PTPRR: variants seen among roughly 807,000 people sequenced by gnomAD.
PTPRR encodes receptor-type tyrosine-protein phosphatase R.
PTPRR carries 38 observed loss-of-function variants against 77.2 expected under a neutral mutation model. The observed-to-expected ratio is 0.49, with a 90% CI of 0.38 to 0.65. The LOEUF is 0.65. Among genes scored for constraint, PTPRR ranks in the 30% least tolerant of loss-of-function variants. PTPRR has a pLI of 0.00. For missense variants in PTPRR, 744 were observed against 799.2 expected, an observed-to-expected ratio of 0.93 and a Z score of 0.83; for synonymous variants, 299 against 283.1, an observed-to-expected ratio of 1.06 and a Z score of -0.57.
intron 2 of PTPRR, among the ~76,000 whole-genome samples, chr12:70,777,690 T>G (rs1250944347): frequency 6.6e-6 from 1 of 152,216 alleles, no homozygotes; most frequent in East Asian, 1.9e-4. Context: ...CCACCCTCTC[T>G]TTCTTCCTTC....
intron 2 of PTPRR, among the ~76,000 whole-genome samples, chr12:70,889,992 T>C (rs780005684): frequency 7.9e-5 from 12 of 152,344 alleles, no homozygotes; most frequent in Non-Finnish European, 1.6e-4. Flanking sequence ...TATGCTGAAC[T>C]GAAATGGCCT....
chr12:70,770,557 T>C (rs1359315216), intron 2 of PTPRR, among the ~76,000 whole-genome samples: 6 of 152,218 alleles, frequency 3.9e-5, no homozygotes, highest in Non-Finnish European at 8.8e-5. Flanking sequence ...TTTATACTGT[T>C]GGTGGGACTG....
chr12:70,911,851 G>A (rs1343011623), intron 1 of PTPRR, among the ~76,000 whole-genome samples: 1 of 151,168 alleles, frequency 6.6e-6, no homozygotes, highest in East Asian at 1.9e-4. Context: ...ATTCCTCCAA[G>A]GTACAATTAA....
At chr12:70,755,798 AAAC>A (rs1475377818) in intron 4 of PTPRR, among the ~76,000 whole-genome samples, 3 of 152,162 alleles carry the variant, frequency 2.0e-5, no homozygotes, top group Non-Finnish European at 4.4e-5. Flanking sequence ...CCCTGCTGCA[AAAC>A]AACTTTGGGT....
chr12:70,717,901 T>C (rs1461056890), intron 6 of PTPRR, among the ~76,000 whole-genome samples: 4 of 152,214 alleles, frequency 2.6e-5, no homozygotes, highest in Non-Finnish European at 1.5e-5. Flanking sequence ...AAAAATAGTA[T>C]TTGCTTTTAT....
intron 5 of PTPRR, among the ~76,000 whole-genome samples, chr12:70,747,724 C>T (rs1465318492): frequency 1.3e-5 from 2 of 152,200 alleles, no homozygotes; most frequent in African/African-American, 4.8e-5. Context: ...CAACCTGTCT[C>T]TGTGTGGTAC....
intron 8 of PTPRR, among the ~76,000 whole-genome samples, chr12:70,691,971 C>T (rs1888071955): frequency 6.6e-6 from 1 of 152,128 alleles, no homozygotes; most frequent in South Asian, 2.1e-4. Flanking sequence ...AGCAGTATTT[C>T]CCAAAATATT....
intron 2 of PTPRR, among the ~76,000 whole-genome samples, chr12:70,777,017 A>C (rs1891103110): frequency 6.6e-6 from 1 of 151,962 alleles, no homozygotes; most frequent in African/African-American, 2.4e-5. Flanking sequence ...ACTTCCAAAT[A>C]TTTTCTATGT....
intron 10 of PTPRR, chr12:70,672,897 C>T (rs763939637): frequency 2.6e-6 from 4 of 1,546,564 alleles, no homozygotes; most frequent in Non-Finnish European, 3.5e-6. Context: ...AGGATGGGGG[C>T]ATCTGCTCCC....
intron 10 of PTPRR, among the ~76,000 whole-genome samples, chr12:70,669,558 A>C (rs1198357092): frequency 5.2e-5 from 7 of 133,688 alleles, no homozygotes; most frequent in Admixed American, 5.2e-4. Flanking sequence ...TATATATGTT[A>C]TACACACACA....
intron 2 of PTPRR, among the ~76,000 whole-genome samples, chr12:70,819,739 AG>A (rs1322733953): frequency 6.6e-6 from 1 of 152,236 alleles, no homozygotes; most frequent in Non-Finnish European, 1.5e-5. Context: ...AGACTCAGAA[AG>A]GGAGGATGGC....
chr12:70,907,600 A>T (rs1255694690), intron 1 of PTPRR, among the ~76,000 whole-genome samples: 1 of 152,180 alleles, frequency 6.6e-6, no homozygotes, highest in Non-Finnish European at 1.5e-5. Context: ...GTTATTTTTC[A>T]TTTGATAAAT....
chr12:70,676,428 C>T (rs1465065632), intron 10 of PTPRR, among the ~76,000 whole-genome samples: 1 of 151,818 alleles, frequency 6.6e-6, no homozygotes, highest in Admixed American at 6.6e-5. Context: ...AAAGAGTAGC[C>T]TACATTTATT....
chr12:70,805,088 T>C (rs1891685843), intron 2 of PTPRR, among the ~76,000 whole-genome samples: 3 of 152,126 alleles, frequency 2.0e-5, no homozygotes, highest in South Asian at 2.1e-4. Flanking sequence ...TATGATGTTA[T>C]TCTTTTGCTG....
intron 2 of PTPRR, among the ~76,000 whole-genome samples, chr12:70,777,292 T>C (rs1260048532): frequency 6.6e-6 from 1 of 152,078 alleles, no homozygotes; most frequent in Admixed American, 6.6e-5. Context: ...CTATTTTATG[T>C]TTTTTTGTTT....
intron 1 of PTPRR, among the ~76,000 whole-genome samples, chr12:70,900,100 T>C (rs1592823579): frequency 6.6e-6 from 1 of 151,610 alleles, no homozygotes; most frequent in East Asian, 1.9e-4. Flanking sequence ...ATGTCAATCA[T>C]CTCCAATTAC....
intron 1 of PTPRR, among the ~76,000 whole-genome samples, chr12:70,916,075 G>T (rs138499148): frequency 0.012 from 1,820 of 152,258 alleles, 24 homozygotes; most frequent in African/African-American, 0.041. Flanking sequence ...TATATTGTAT[G>T]TTGGGTGGTG....
intron 3 of PTPRR, among the ~76,000 whole-genome samples, chr12:70,763,022 C>T (rs79214920): frequency 6.6e-6 from 1 of 151,970 alleles, no homozygotes; most frequent in Admixed American, 6.6e-5. Context: ...ATATCTATAT[C>T]ATCTCTCTAT....
chr12:70,874,362 G>A (rs1893013216), intron 2 of PTPRR, among the ~76,000 whole-genome samples: 1 of 152,172 alleles, frequency 6.6e-6, no homozygotes, highest in African/African-American at 2.4e-5. Context: ...GATATTCAGA[G>A]AGAGTCAGGA....
Sources: allele counts gnomAD v4.1 joint callset (sites outside exome capture counted in the v4.1 genomes callset), GRCh38; gene constraint gnomAD v4.1.1; transcripts MANE v1.5; gene names NCBI Gene and HGNC (gene_info 2026-07-23, HGNC 2026-07-21).